FHIT: variants seen among roughly 807,000 people sequenced by gnomAD.
The protein encoded by FHIT is fragile histidine triad diadenosine triphosphatase.
In FHIT, 19 loss-of-function variants were observed where a neutral mutation model predicts 17.9. That is an observed-to-expected ratio of 1.06 (90% CI 0.74 to 1.56). The LOEUF is 1.56. FHIT is among the 40% of genes most tolerant of loss of function. FHIT has a pLI of 0.00. For synonymous variants in FHIT, 81 were observed against 69.7 expected (o/e 1.16, Z -0.81); for missense variants, 248 against 189.2 (o/e 1.31, Z -1.82).
At chr3:60,788,872 C>A (rs1388083034) in intron 4 of FHIT, among the ~76,000 whole-genome samples, 1 of 151,968 alleles carries the variant, frequency 6.6e-6, no homozygotes, top group Non-Finnish European at 1.5e-5. Flanking sequence ...ATGGCACATT[C>A]AATTTTACTT....
intron 5 of FHIT, among the ~76,000 whole-genome samples, chr3:60,079,343 T>C (rs906463270): frequency 2.0e-5 from 3 of 152,150 alleles, no homozygotes; most frequent in African/African-American, 7.2e-5. Flanking sequence ...TTCTACACAA[T>C]TGAAAACAAC....
At chr3:60,002,707 C>T (rs547809448) in intron 7 of FHIT, among the ~76,000 whole-genome samples, 1 of 152,274 alleles carries the variant, frequency 6.6e-6, no homozygotes, top group East Asian at 1.9e-4. Flanking sequence ...CTGGCTCAGC[C>T]ATGAAATCTT....
chr3:60,922,302 G>C (rs1439582809), intron 3 of FHIT, among the ~76,000 whole-genome samples: 1 of 152,158 alleles, frequency 6.6e-6, no homozygotes, highest in Non-Finnish European at 1.5e-5. Flanking sequence ...GCGGGCACCA[G>C]ATAAAGAAAC....
intron 5 of FHIT, among the ~76,000 whole-genome samples, chr3:60,033,706 T>C (rs1355761098): frequency 6.6e-6 from 1 of 152,218 alleles, no homozygotes; most frequent in Non-Finnish European, 1.5e-5. Flanking sequence ...CATTTGAATC[T>C]GGTTGAAGGT....
intron 4 of FHIT, among the ~76,000 whole-genome samples, chr3:60,794,091 C>G (rs1700888299): frequency 6.6e-6 from 1 of 151,502 alleles, no homozygotes; most frequent in Non-Finnish European, 1.5e-5. Context: ...CCCCCACCTT[C>G]CACTCACCCT....
chr3:60,172,339 C>T (rs553895293), intron 5 of FHIT, among the ~76,000 whole-genome samples: 28 of 152,280 alleles, frequency 1.8e-4, no homozygotes, highest in Non-Finnish European at 3.4e-4. Flanking sequence ...AATCTCAGCT[C>T]ACTGCAACCT....
chr3:60,044,633 G>C (rs1243848410), intron 5 of FHIT, among the ~76,000 whole-genome samples: 1 of 152,108 alleles, frequency 6.6e-6, no homozygotes, highest in African/African-American at 2.4e-5. Flanking sequence ...AAACTCAAGA[G>C]CTCATATGAT....
intron 5 of FHIT, among the ~76,000 whole-genome samples, chr3:60,034,054 A>T (rs147880120): frequency 1.3e-5 from 2 of 152,228 alleles, no homozygotes; most frequent in East Asian, 3.9e-4. Flanking sequence ...TTGAGTACTT[A>T]TAATGGGGCA....
chr3:60,269,994 C>T (rs1706782017), intron 5 of FHIT, among the ~76,000 whole-genome samples: 1 of 152,122 alleles, frequency 6.6e-6, no homozygotes, highest in Admixed American at 6.5e-5. Context: ...TGAAAATGAC[C>T]AGGCCTCATA....
chr3:60,602,797 C>T (rs2038487534), intron 4 of FHIT, among the ~76,000 whole-genome samples: 2 of 152,116 alleles, frequency 1.3e-5, no homozygotes, highest in Admixed American at 1.3e-4. Context: ...GCTCCATTCT[C>T]ATGACTGGGA....
Position 59,970,330 on chromosome 3 carries a change from T to C in FHIT, c.279+41041A>G, listed in dbSNP as rs561923360. 4.6e-5 allele frequency among the ~76,000 whole-genome samples: 7 copies of C among 152,226 alleles called. No individual in the cohort carries two copies. In the South Asian group the frequency reaches 8.3e-4, roughly 18 times the overall value. Reference sequence around the variant, plus strand: ...CCTTGAAGACAAAACCAATTCCTAATGAAGCATAATGAATCGTAAAGAGGC... The same window carrying C: ...CCTTGAAGACAAAACCAATTCCTAACGAAGCATAATGAATCGTAAAGAGGC... On this transcript the variant is annotated intron_variant, in intron 7 of 9. Coordinates refer to ENST00000492590, the MANE Select transcript of FHIT (RefSeq NM_002012.4).
chr3:59,916,038 T>C (rs1705120290), intron 8 of FHIT, among the ~76,000 whole-genome samples: 1 of 152,154 alleles, frequency 6.6e-6, no homozygotes, highest in South Asian at 2.1e-4. Context: ...TGCAAAGTAT[T>C]GTTACTGGGT....
chr3:60,585,440 C>T (rs995191270), intron 4 of FHIT, among the ~76,000 whole-genome samples: 4 of 151,960 alleles, frequency 2.6e-5, no homozygotes, highest in South Asian at 2.1e-4. Flanking sequence ...TAGACAATTT[C>T]AATTATTTAT....
intron 3 of FHIT, among the ~76,000 whole-genome samples, chr3:61,013,815 C>A (rs2031928041): frequency 6.6e-6 from 1 of 152,102 alleles, no homozygotes; most frequent in African/African-American, 2.4e-5. Flanking sequence ...ATAGTCCCTG[C>A]CTCAACAGCA....
intron 5 of FHIT, among the ~76,000 whole-genome samples, chr3:60,534,271 CA>C (rs34837102): frequency 0.56 from 73,363 of 130,040 alleles, 20,086 homozygotes; most frequent in South Asian, 0.68. Flanking sequence ...ACTAAAAATA[CA>C]AAAAAAAAAA....
chr3:61,213,509 G>A (rs932039117), intron 1 of FHIT, among the ~76,000 whole-genome samples: 7 of 152,182 alleles, frequency 4.6e-5, no homozygotes, highest in Admixed American at 1.3e-4. Context: ...CATAAAGCAA[G>A]TCCTGAGTGA....
intron 1 of FHIT, among the ~76,000 whole-genome samples, chr3:61,210,742 C>T (rs2039437195): frequency 6.6e-6 from 1 of 152,062 alleles, no homozygotes; most frequent in Non-Finnish European, 1.5e-5. Flanking sequence ...TTCACTGACC[C>T]CTTGCGCTTC....
At chr3:60,687,617 C>A (rs2040888057) in intron 4 of FHIT, among the ~76,000 whole-genome samples, 1 of 151,862 alleles carries the variant, frequency 6.6e-6, no homozygotes, top group African/African-American at 2.4e-5. Context: ...TGCTTCATGG[C>A]TCCTTAAAAA....
At chr3:59,878,273 C>T (rs890905949) in intron 8 of FHIT, among the ~76,000 whole-genome samples, 2 of 152,100 alleles carry the variant, frequency 1.3e-5, no homozygotes, top group African/African-American at 4.8e-5. Context: ...ACCAACTACA[C>T]TTTGGACTTC....
Sources: gnomAD v4.1 joint callset for allele counts (sites outside exome capture counted in the v4.1 genomes callset) on GRCh38, gnomAD v4.1.1 for gene constraint, MANE v1.5 for transcripts, NCBI Gene and HGNC (gene_info 2026-07-23, HGNC 2026-07-21) for gene names.